The following SLC45A1 variants were observed in gnomAD, a reference collection of about 807,000 sequenced individuals.
The protein encoded by SLC45A1 is solute carrier family 45 member 1.
A neutral mutation model predicts 57.6 loss-of-function variants in SLC45A1; 28 were observed. The ratio of observed to expected loss-of-function variants is 0.49; its 90% confidence interval spans 0.36 to 0.67. The LOEUF (loss-of-function observed/expected upper bound fraction) is 0.67, where lower values mean the gene tolerates loss of function less well. Ranked by LOEUF, SLC45A1 falls within the 30% of genes least tolerant of loss-of-function variation. The probability of loss-of-function intolerance (pLI) is 0.00; values close to 1 mark genes in which losing one functional copy is unlikely to be tolerated. For synonymous variants in SLC45A1, 459 were observed against 471.5 expected (o/e 0.97, Z 0.34); for missense variants, 814 against 1,041.5 (o/e 0.78, Z 3.01).
At position 8,335,722 on chromosome 1, in the gene SLC45A1, C is replaced by A; in HGVS notation, c.1597+132C>A. On this transcript the variant is annotated intron_variant, in intron 6 of 8. Coordinates refer to ENST00000471889, the MANE Select transcript of SLC45A1 (RefSeq NM_001080397.3). This position sits in a 1 kb window ranked among gnomAD's most constrained non-coding sequence, Gnocchi z 4.1. Reference sequence around the variant, plus strand: ...GTTCACCAGCCCCCAACAACAGCACCAAGGGCAGGCCTGGGGTGTGGTGGC... The same window carrying A: ...GTTCACCAGCCCCCAACAACAGCACAAAGGGCAGGCCTGGGGTGTGGTGGC... The A allele has an allele frequency of 2.9e-6, 3 of 1,042,604 alleles. No individual in the cohort carries two copies. Among genetic ancestry groups the A allele is most frequent in the Non-Finnish European group, 4.0e-6 (3 of 749,064 alleles). The allele number at this position is 1,042,604 out of a possible 1,614,324, so 64.6% of individuals were successfully genotyped here. A position where few individuals can be genotyped will look rare whatever the true frequency, so the allele number is the denominator to read the frequency against.
intron 5 of SLC45A1, among the ~76,000 whole-genome samples, chr1:8,333,910 C>T (rs1371572834): frequency 1.3e-5 from 2 of 152,202 alleles, no homozygotes; most frequent in South Asian, 2.1e-4. Flanking sequence ...AAGGACACAG[C>T]GAGCTCCCGT....
Position 8,338,962 on chromosome 1 carries a change from C to G in SLC45A1, c.1775-531C>G, listed in dbSNP as rs547626705. ...TCACTTGTGAGTCCATGGGGTGGCA[C>G]CTCGGGTGTTGGGTTCCCCCATAGC... On this transcript the variant is annotated intron_variant, in intron 7 of 8. Coordinates refer to ENST00000471889, the MANE Select transcript of SLC45A1 (RefSeq NM_001080397.3). Among the ~76,000 whole-genome samples, 37 of 152,208 alleles carry G rather than the reference C, an allele frequency of 2.4e-4. No individual in the cohort carries two copies. The South Asian group carries it at 7.5e-3, about 31-fold the overall frequency.
chr1:8,330,293 G>T lies in SLC45A1; in HGVS notation c.800G>T (p.Arg267Leu). The change falls in exon 5 of 9, where the codon CGA (arginine) becomes CTA (leucine). Residue 267 changes from arginine (R) to leucine (L), a missense_variant. Coordinates refer to ENST00000471889, the MANE Select transcript of SLC45A1 (RefSeq NM_001080397.3). The surrounding 1 kb of genome is among the most constrained non-coding windows in gnomAD (Gnocchi z 8.4). ...GGGAGGGCCCTGGGGGGACAGCTCCGAGTCATTTACCTCTTCACTGCGGTC... is the reference window on the plus strand; with the variant it reads ...GGGAGGGCCCTGGGGGGACAGCTCCTAGTCATTTACCTCTTCACTGCGGTC... ...GFGRALGGQL[R>L]VIYLFTAVTL... The T allele has an allele frequency of 6.2e-7, 1 of 1,613,760 alleles. No homozygotes were observed. The highest frequency in any genetic ancestry group is 8.5e-7 in the Non-Finnish European group (1 of 1,179,974).
intron 1 of SLC45A1, among the ~76,000 whole-genome samples, chr1:8,323,948 G>A (rs1170927820): frequency 1.3e-5 from 2 of 152,196 alleles, no homozygotes; most frequent in African/African-American, 2.4e-5. Context: ...CCTGGAAATG[G>A]GCCGCAGGTC....
chr1:8,329,924 C>T (rs1248985843), intron 4 of SLC45A1, among the ~76,000 whole-genome samples: 1 of 152,150 alleles, frequency 6.6e-6, no homozygotes, highest in Non-Finnish European at 1.5e-5. Flanking sequence ...GAAAGTGGAA[C>T]AGGCAGGAAG....
At chr1:8,341,688 C>T (rs187102011) in intron 8 of SLC45A1, among the ~76,000 whole-genome samples, 1 of 151,618 alleles carries the variant, frequency 6.6e-6, no homozygotes, top group Non-Finnish European at 1.5e-5. Context: ...TTTGGGAGGC[C>T]GAGGCAGATG....
chr1:8,340,816 C>A (rs188666948), intron 8 of SLC45A1, among the ~76,000 whole-genome samples: 3 of 152,174 alleles, frequency 2.0e-5, no homozygotes, highest in Admixed American at 2.0e-4. Context: ...GGATATGGTA[C>A]CCGTCCTTTA....
In SLC45A1 at chr1:8,325,247, C is replaced by T. The variant is rs1439913643; in HGVS notation, c.398-51C>T. On this transcript the variant is annotated intron_variant, in intron 2 of 8. Coordinates refer to ENST00000471889, the MANE Select transcript of SLC45A1 (RefSeq NM_001080397.3). This position sits in a 1 kb window ranked among gnomAD's most constrained non-coding sequence, Gnocchi z 6.3. ...GGAATGTGGAGGCTGATTCGATGTCCCCATGTGCCATGGGGACCCTGGCAA... is the reference window on the plus strand; with the variant it reads ...GGAATGTGGAGGCTGATTCGATGTCTCCATGTGCCATGGGGACCCTGGCAA... The T allele has an allele frequency of 8.3e-7, 1 of 1,206,600 alleles. No individual in the cohort carries two copies. The highest frequency in any genetic ancestry group is 1.2e-5 in the South Asian group (1 of 82,388). 74.7% of individuals were successfully genotyped at this position (1,206,600 alleles called of 1,614,324 possible). A position where few individuals can be genotyped will look rare whatever the true frequency, so the allele number is the denominator to read the frequency against.
chr1:8,329,122 G>A (rs916098136), intron 4 of SLC45A1, among the ~76,000 whole-genome samples: 1 of 152,188 alleles, frequency 6.6e-6, no homozygotes, highest in African/African-American at 2.4e-5. Context: ...AAGATCTACA[G>A]TGAAACCTCG....
In SLC45A1 at chr1:8,330,707, C is replaced by A. The variant is rs1557563404; in HGVS notation, c.1214C>A (p.Pro405His). The change falls in exon 5 of 9, where the codon CCC becomes CAC. Residue 405 changes from proline (P) to histidine (H), a missense_variant. Physicochemically the swap from Pro to His is moderately conservative, Grantham distance 77 (BLOSUM62 -2). Coordinates refer to ENST00000471889, the MANE Select transcript of SLC45A1 (RefSeq NM_001080397.3). The surrounding 1 kb of genome is among the most constrained non-coding windows in gnomAD (Gnocchi z 8.4). Reference protein sequence around the residue: ...VPRPPISVSFPRAPDGFYRQD... With the variant: ...VPRPPISVSFHRAPDGFYRQD... ...AGGCCGCCCATCAGCGTCAGCTTCCCCCGGGCCCCCGACGGCTTCTACCGC... is the reference window on the plus strand; with the variant it reads ...AGGCCGCCCATCAGCGTCAGCTTCCACCGGGCCCCCGACGGCTTCTACCGC... 2 of 1,613,190 alleles carry A rather than the reference C, an allele frequency of 1.2e-6. No individual in the cohort carries two copies. Among genetic ancestry groups the A allele is most frequent in the South Asian group, 1.1e-5 (1 of 91,076 alleles).
chr1:8,340,882 A>G (rs1640786597), intron 8 of SLC45A1, among the ~76,000 whole-genome samples: 1 of 152,172 alleles, frequency 6.6e-6, no homozygotes, highest in Admixed American at 6.5e-5. Context: ...AAGAAAAATA[A>G]TCAGGCATAA....
chr1:8,323,907 C>G (rs1259649437), intron 1 of SLC45A1, among the ~76,000 whole-genome samples: 1 of 152,214 alleles, frequency 6.6e-6, no homozygotes, highest in East Asian at 1.9e-4. Context: ...TCTCTGGTCC[C>G]CTGGGACCTT....
In SLC45A1 at chr1:8,328,415, C is replaced by T. The variant is rs781137857; in HGVS notation, c.716-1794C>T. On this transcript the variant is annotated intron_variant, in intron 4 of 8. Coordinates refer to ENST00000471889, the MANE Select transcript of SLC45A1 (RefSeq NM_001080397.3). This position sits in a 1 kb window ranked among gnomAD's most constrained non-coding sequence, Gnocchi z 4.6. Reference sequence around the variant, plus strand: ...CTTTCCACACGTGCGCTGCTGTGGGCGAGGGAACTTCTAAAGGGGCCATGC... The same window carrying T: ...CTTTCCACACGTGCGCTGCTGTGGGTGAGGGAACTTCTAAAGGGGCCATGC... 3.3e-5 allele frequency among the ~76,000 whole-genome samples: 5 copies of T among 152,226 alleles called. No homozygotes were observed. The highest frequency in any genetic ancestry group is 3.4e-3 in the Middle Eastern group (1 of 294).
At chr1:8,331,551 G>A (rs1640411858) in intron 5 of SLC45A1, among the ~76,000 whole-genome samples, 1 of 152,168 alleles carries the variant, frequency 6.6e-6, no homozygotes, top group African/African-American at 2.4e-5. Flanking sequence ...TGAAGAAGGA[G>A]GATGGCTTGA....
At chr1:8,329,816 G>T (rs189283912) in intron 4 of SLC45A1, among the ~76,000 whole-genome samples, 120 of 152,334 alleles carry the variant, frequency 7.9e-4, no homozygotes, top group African/African-American at 2.8e-3. Context: ...GTGGTCGGCT[G>T]TGTGTGAGCC....
chr1:8,327,028 G>A lies in SLC45A1; in HGVS notation c.715+986G>A, dbSNP rs944642756. On this transcript the variant is annotated intron_variant, in intron 4 of 8. Transcript: ENST00000471889. The surrounding 1 kb of genome is among the most constrained non-coding windows in gnomAD (Gnocchi z 4.3). ...ACCAACTCTTGTTTCCAGTATGAGC[G>A]TGGAGACGAGAAGGCAGAGCTCAGC... Among the ~76,000 whole-genome samples the A allele has an allele frequency of 5.3e-5, 8 of 152,300 alleles. No individual in the cohort carries two copies. Among genetic ancestry groups the A allele is most frequent in the African/African-American group, 1.9e-4 (8 of 41,554 alleles).
chr1:8,329,434 A>T (rs1640302389), intron 4 of SLC45A1, among the ~76,000 whole-genome samples: 1 of 152,244 alleles, frequency 6.6e-6, no homozygotes. Flanking sequence ...GTGGACCCGC[A>T]GCTGGCTGGG....
chr1:8,320,299 G>A (rs1470894672), intron 1 of SLC45A1, among the ~76,000 whole-genome samples: 3 of 152,108 alleles, frequency 2.0e-5, no homozygotes, highest in Non-Finnish European at 2.9e-5. Flanking sequence ...GAAGTGGGCC[G>A]TCTACATAGT....
chr1:8,339,463 G>A (rs1356545984), intron 7 of SLC45A1, 30 bp from the exon 8 acceptor site: 4 of 1,611,098 alleles, frequency 2.5e-6, no homozygotes, highest in Non-Finnish European at 3.4e-6. Flanking sequence ...CTGGCCGTGT[G>A]GCACTGCTCA....
Sources: allele counts gnomAD v4.1 joint callset (sites outside exome capture counted in the v4.1 genomes callset), GRCh38; gene constraint gnomAD v4.1.1; non-coding constraint Gnocchi (gnomAD v3.1); transcripts MANE v1.5; gene names NCBI Gene and HGNC (gene_info 2026-07-23, HGNC 2026-07-21).